The following SLC4A4 variants were observed in gnomAD, a reference collection of about 807,000 sequenced individuals.
The protein encoded by SLC4A4 is electrogenic sodium bicarbonate cotransporter 1.
Under a neutral mutation model 111.5 loss-of-function variants are expected in SLC4A4, and 27 were observed. That is an observed-to-expected ratio of 0.24 (90% confidence interval 0.18 to 0.33). The LOEUF (loss-of-function observed/expected upper bound fraction) is 0.33, where lower values mean the gene tolerates loss of function less well. SLC4A4 is among the 10% of genes least tolerant of loss of function. The pLI, the probability that SLC4A4 is intolerant of heterozygous loss-of-function variation, is 1.00. For missense variants in SLC4A4, 909 were observed against 1,315.5 expected (o/e 0.69, Z 4.78); for synonymous variants, 443 against 463.4 (o/e 0.96, Z 0.57).
chr4:71,567,741 A>C, intron 25 of SLC4A4, 47 bp from the exon 26 acceptor site: 2 of 882,248 alleles, frequency 2.3e-6, no homozygotes, highest in Non-Finnish European at 3.5e-6. Flanking sequence ...ACAGATGATG[A>C]AGGAAATCTG....
intron 16 of SLC4A4, among the ~76,000 whole-genome samples, chr4:71,526,677 A>G (rs767977137): frequency 6.6e-6 from 1 of 152,156 alleles, no homozygotes; most frequent in Non-Finnish European, 1.5e-5. Context: ...AACAAAATTT[A>G]TATCTGAGAG....
chr4:71,539,738 T>A (rs1348246914), intron 18 of SLC4A4, among the ~76,000 whole-genome samples: 1 of 152,184 alleles, frequency 6.6e-6, no homozygotes, highest in Non-Finnish European at 1.5e-5. Context: ...AATTACTTTA[T>A]CCCTTTTCTT....
intron 16 of SLC4A4, among the ~76,000 whole-genome samples, chr4:71,528,663 A>T (rs887124637): frequency 6.6e-6 from 1 of 152,062 alleles, no homozygotes; most frequent in African/African-American, 2.4e-5. Context: ...TTTTTTTATG[A>T]TATTGTTCAT....
chr4:71,269,167 G>A (rs1357327415), intron 3 of SLC4A4, among the ~76,000 whole-genome samples: 1 of 152,100 alleles, frequency 6.6e-6, no homozygotes, highest in Admixed American at 6.5e-5. Flanking sequence ...CCTTTGATAG[G>A]GTGCAGTCAA....
At chr4:71,074,420 T>C (rs997740239) in intron 1 of SLC4A4, among the ~76,000 whole-genome samples, 13 of 152,174 alleles carry the variant, frequency 8.5e-5, no homozygotes, top group Non-Finnish European at 1.8e-4. Flanking sequence ...CCAGGAGAAA[T>C]TGAGTTCCAC....
chr4:71,393,498 C>T (rs1719509405), intron 6 of SLC4A4, among the ~76,000 whole-genome samples: 1 of 152,048 alleles, frequency 6.6e-6, no homozygotes, highest in African/African-American at 2.4e-5. Context: ...TAAAACACTG[C>T]TGAAAGAAAT....
At chr4:71,175,633 G>T (rs1745067988) in intron 2 of SLC4A4, among the ~76,000 whole-genome samples, 1 of 152,224 alleles carries the variant, frequency 6.6e-6, no homozygotes, top group Admixed American at 6.5e-5. Context: ...GCTGGGGGAG[G>T]GGCGTCTGCC....
At position 71,274,578 on chromosome 4, in the gene SLC4A4, T is replaced by G. The variant is rs77649602; in HGVS notation, c.253+19179T>G. On this transcript the variant is annotated intron_variant, in intron 3 of 25. Coordinates refer to ENST00000264485, the MANE Select transcript of SLC4A4 (RefSeq NM_001098484.3). ...GCAGTTCCCAAATGCAGTTAGTATCTTTAGAGGAGTTAGAAGTTCTGATTA... is the reference window on the plus strand; with the variant it reads ...GCAGTTCCCAAATGCAGTTAGTATCGTTAGAGGAGTTAGAAGTTCTGATTA... Among the ~76,000 whole-genome samples, 405 of 152,334 alleles carry G rather than the reference T, an allele frequency of 2.7e-3. 4 individuals carry two copies. Among genetic ancestry groups the G allele is most frequent in the African/African-American group, 8.7e-3 (361 of 41,570 alleles).
rs1021601443 is a variant in SLC4A4, at chr4:71,264,823, C to T, written c.253+9424C>T. Among the ~76,000 whole-genome samples, 20 of 152,216 alleles carry T rather than the reference C, an allele frequency of 1.3e-4. No individual in the cohort carries two copies. In the East Asian group the frequency reaches 3.3e-3, roughly 25 times the overall value. ...TGTCCACACACAGACACAGCTAATA[C>T]TCTTCCTTGGTCCTCTGATTCCTAA... On this transcript the variant is annotated intron_variant, in intron 3 of 25. Transcript: ENST00000264485.
Position 71,309,919 on chromosome 4 carries a change from G to T in SLC4A4, c.254-29451G>T, listed in dbSNP as rs7698251. Among the ~76,000 whole-genome samples, 1,054 of 151,990 alleles carry T rather than the reference G, an allele frequency of 6.9e-3. 16 individuals are homozygous for T. The highest frequency in any genetic ancestry group is 0.024 in the African/African-American group (1,009 of 41,474). On this transcript the variant is annotated intron_variant, in intron 3 of 25. Coordinates refer to ENST00000264485, the MANE Select transcript of SLC4A4 (RefSeq NM_001098484.3). ...GAAGCATGTTCTAACCCAATGCAAG[G>T]ACTCTAAGAACCTTGACAAAAGGTT...
At chr4:71,336,965 A>G (rs564973023) in intron 3 of SLC4A4, among the ~76,000 whole-genome samples, 4 of 152,244 alleles carry the variant, frequency 2.6e-5, no homozygotes, top group South Asian at 2.1e-4. Context: ...TTGATTATCC[A>G]TGTCACTTGC....
At chr4:71,404,045 A>G (rs1008541780) in intron 7 of SLC4A4, among the ~76,000 whole-genome samples, 2 of 152,192 alleles carry the variant, frequency 1.3e-5, no homozygotes, top group African/African-American at 4.8e-5. Context: ...TTCCCAGTTA[A>G]AAGGTCATCC....
intron 3 of SLC4A4, among the ~76,000 whole-genome samples, chr4:71,311,200 C>T (rs1409884100): frequency 6.6e-6 from 1 of 152,116 alleles, no homozygotes. Context: ...AAAACAAGTT[C>T]TTAGAGACTT....
intron 7 of SLC4A4, among the ~76,000 whole-genome samples, chr4:71,419,505 C>T (rs952955456): frequency 9.2e-5 from 14 of 152,310 alleles, no homozygotes; most frequent in East Asian, 5.8e-4. Context: ...GAGCCAGGTG[C>T]GGGATATAAT....
chr4:71,234,684 C>T (rs138089757), intron 1 of SLC4A4, among the ~76,000 whole-genome samples: 168 of 152,234 alleles, frequency 1.1e-3, no homozygotes, highest in East Asian at 9.5e-3. Context: ...CTTGGCCTGC[C>T]GAGGGATTAC....
rs369180103 is a variant in SLC4A4 at position 71,504,549 on chromosome 4, T to G, written c.2166+6857T>G. On this transcript the variant is annotated intron_variant, in intron 16 of 25. Coordinates refer to ENST00000264485, the MANE Select transcript of SLC4A4 (RefSeq NM_001098484.3). ...ATTTTTCTGATTTCACTGAATTGTT[T>G]GTATTCTATAGTATCTCTCTGAGCT... is the stretch of plus-strand genomic sequence containing the variant. Among the ~76,000 whole-genome samples the G allele has an allele frequency of 9.2e-5, 14 of 152,206 alleles. No homozygotes were observed. The East Asian group carries it at 2.7e-3, about 29-fold the overall frequency.
intron 6 of SLC4A4, among the ~76,000 whole-genome samples, chr4:71,383,980 TC>T (rs1407965082): frequency 1.3e-5 from 2 of 152,156 alleles, no homozygotes; most frequent in African/African-American, 2.4e-5. Flanking sequence ...CCAAATATCT[TC>T]ACCAATGAGA....
At chr4:71,257,912 G>C (rs1474566401) in intron 3 of SLC4A4, among the ~76,000 whole-genome samples, 1 of 152,134 alleles carries the variant, frequency 6.6e-6, no homozygotes, top group Non-Finnish European at 1.5e-5. Context: ...ATTTAAAATA[G>C]ATCTGAATTT....
chr4:71,080,600 A>G (rs1188147198), intron 1 of SLC4A4, among the ~76,000 whole-genome samples: 2 of 152,006 alleles, frequency 1.3e-5, no homozygotes, highest in Admixed American at 6.6e-5. Flanking sequence ...TCTCACTTTG[A>G]TTATTTTTGT....
Sources: gnomAD v4.1 joint callset for allele counts (sites outside exome capture counted in the v4.1 genomes callset) on GRCh38, gnomAD v4.1.1 for gene constraint, MANE v1.5 for transcripts, NCBI Gene and HGNC (gene_info 2026-07-23, HGNC 2026-07-21) for gene names.